The following ZUP1 variants were observed in gnomAD, a reference collection of about 807,000 sequenced individuals.
The protein encoded by ZUP1 is zinc finger-containing ubiquitin peptidase 1.
A neutral mutation model predicts 68.1 loss-of-function variants in ZUP1; 55 were observed. That is an observed-to-expected ratio of 0.81 (90% CI 0.65 to 1.01). The LOEUF (loss-of-function observed/expected upper bound fraction) is 1.01, where lower values mean the gene tolerates loss of function less well. ZUP1 is among the 50% of genes least tolerant of loss of function. ZUP1 has a pLI of 0.00. For synonymous variants in ZUP1, 223 were observed against 221.5 expected, an observed-to-expected ratio of 1.01 and a Z score of -0.06; for missense variants, 684 against 674.9, an observed-to-expected ratio of 1.01 and a Z score of -0.15.
intron 3 of ZUP1, chr6:116,660,145 A>C (rs1196918742): frequency 6.6e-6 from 1 of 152,268 alleles, no homozygotes; most frequent in East Asian, 1.9e-4. Context: ...AGTGAGCAGT[A>C]ACATTGTCCA....
At chr6:116,664,930 G>A (rs1776954647) in intron 2 of ZUP1, among the ~76,000 whole-genome samples, 2 of 151,332 alleles carry the variant, frequency 1.3e-5, no homozygotes, top group African/African-American at 2.4e-5. Context: ...TTTAAAAAGT[G>A]AAAATATAAA....
chr6:116,662,308 C>A (rs1181012722), intron 2 of ZUP1, among the ~76,000 whole-genome samples: 2 of 152,150 alleles, frequency 1.3e-5, no homozygotes, highest in African/African-American at 2.4e-5. Context: ...GCAAGCCAAT[C>A]CCTCCACCCC....
chr6:116,664,190 G>C (rs890201348), intron 2 of ZUP1, among the ~76,000 whole-genome samples: 5 of 152,254 alleles, frequency 3.3e-5, no homozygotes, highest in Non-Finnish European at 5.9e-5. Context: ...CAGCATTTTG[G>C]GGGGCTGAGG....
At chr6:116,651,846 C>T in intron 6 of ZUP1, 109 bp from the exon 7 acceptor site, 2 of 1,421,144 alleles carry the variant, frequency 1.4e-6, no homozygotes, top group Non-Finnish European at 1.9e-6. Flanking sequence ...GACAGTTATT[C>T]CTGACATCTT....
In ZUP1 at chr6:116,660,748, T is replaced by A; in HGVS notation, c.658A>T (p.Ser220Cys). ...CATATAAACATACCTTGCTGAAAGC[T>A]GTTTTCTTCCAAATGCAAGTCAACA... ...EHVDLHLEENSFQQGMDRVQC... is the reference protein window; with the variant it reads ...EHVDLHLEENCFQQGMDRVQC... The change falls in exon 3 of 10, where the codon AGC becomes TGC. Residue 220 changes from serine to cysteine, a missense_variant. Physicochemically the swap from Ser to Cys is moderately radical, Grantham distance 112. Transcript: ENST00000368576. The A allele has an allele frequency of 2.5e-6, 4 of 1,591,930 alleles. No homozygotes were observed. Among genetic ancestry groups the A allele is most frequent in the Non-Finnish European group, 3.4e-6 (4 of 1,164,362 alleles).
In ZUP1 at chr6:116,656,669, T is replaced by A; in HGVS notation, c.961+15A>T. On this transcript the variant is annotated intron_variant, in intron 5 of 9. Transcript: ENST00000368576. Reference sequence around the variant, plus strand: ...AGCAATATTAAAACAATGACTCTGATGTTTAAATACTCACCGGAAGTTTTT... The same window carrying A: ...AGCAATATTAAAACAATGACTCTGAAGTTTAAATACTCACCGGAAGTTTTT... The A allele has an allele frequency of 1.9e-6, 3 of 1,596,142 alleles. No individual in the cohort carries two copies. The South Asian group carries it at 3.4e-5, about 18-fold the overall frequency.
intron 7 of ZUP1, among the ~76,000 whole-genome samples, chr6:116,648,926 C>T (rs866571985): frequency 2.7e-5 from 4 of 150,582 alleles, no homozygotes; most frequent in East Asian, 1.9e-4. Context: ...GCCAAGATCG[C>T]GCCACTGCAC....
chr6:116,640,977 T>C (rs927702627), intron 9 of ZUP1, among the ~76,000 whole-genome samples: 1 of 146,742 alleles, frequency 6.8e-6, no homozygotes, highest in African/African-American at 2.6e-5. Context: ...AGGCTCAAAA[T>C]AAAAGGATGG....
At chr6:116,657,623 G>A (rs1345839598) in intron 4 of ZUP1, among the ~76,000 whole-genome samples, 2 of 152,104 alleles carry the variant, frequency 1.3e-5, no homozygotes, top group Non-Finnish European at 2.9e-5. Context: ...AAAAAGAGAG[G>A]TCAAACAAGT....
rs1776347508 is a variant in ZUP1, at chr6:116,647,481, A to G, written c.1446T>C (p.Pro482=). Residue 482 remains proline, a synonymous_variant, in exon 8 of 10, where the codon CCT becomes CCC. Transcript: ENST00000368576. ...GSPKVVCTSK[P]PIYLQHQGHS... is the part of the protein sequence containing the mutation. The stretch of plus-strand genomic sequence containing the variant: ...AACCTTGATGCTGAAGATAGATAGG[A>G]GGTTTAGATGTACACACTACCTTTG... 1 of 1,573,014 alleles carries G rather than the reference A, an allele frequency of 6.4e-7. No homozygotes were observed. The highest frequency in any genetic ancestry group is 8.7e-7 in the Non-Finnish European group (1 of 1,154,754).
chr6:116,641,253 C>T (rs1776087783), intron 9 of ZUP1, among the ~76,000 whole-genome samples: 1 of 151,848 alleles, frequency 6.6e-6, no homozygotes, highest in South Asian at 2.1e-4. Context: ...GACTTTAACA[C>T]CCCACTGTCA....
At position 116,651,688 on chromosome 6, in the gene ZUP1, T is replaced by A. The variant is rs1185196539; in HGVS notation, c.1200A>T (p.Ala400=). The A allele has an allele frequency of 6.2e-7, 1 of 1,613,890 alleles. No homozygotes were observed. The highest frequency in any genetic ancestry group is 1.7e-5 in the Admixed American group (1 of 60,026). Residue 400 remains alanine (A), a synonymous_variant, in exon 7 of 10, where the codon GCA becomes GCT. Coordinates refer to ENST00000368576, the MANE Select transcript of ZUP1 (RefSeq NM_145062.3). ...IPKIQSMIED[A]WKEGFDPQGA... ...CCTGAGGATCAAAACCTTCCTTCCA[T>A]GCATCTTCAATCATAGATTGAATTT...
At chr6:116,653,127 G>GT (rs2114256913) in intron 5 of ZUP1, among the ~76,000 whole-genome samples, 1 of 152,114 alleles carries the variant, frequency 6.6e-6, no homozygotes, top group Non-Finnish European at 1.5e-5. Flanking sequence ...AAAACAAGGT[G>GT]TTAGGACAAG....
chr6:116,642,895 T>C (rs1282767201), intron 9 of ZUP1, among the ~76,000 whole-genome samples: 2 of 152,182 alleles, frequency 1.3e-5, no homozygotes, highest in African/African-American at 2.4e-5. Flanking sequence ...GGAAGTCAAA[T>C]TGTCCCTGTT....
chr6:116,645,113 T>A (rs1776249147), intron 9 of ZUP1, among the ~76,000 whole-genome samples: 1 of 150,182 alleles, frequency 6.7e-6, no homozygotes, highest in East Asian at 1.9e-4. Context: ...CTGCACATAT[T>A]TAAAATGCAA....
chr6:116,636,808 C>G (rs6927348), intron 9 of ZUP1, among the ~76,000 whole-genome samples: 17,560 of 151,964 alleles, frequency 0.12, 1,703 homozygotes, highest in African/African-American at 0.25. Context: ...TTTAATCCTA[C>G]AATTTAAAAA....
chr6:116,652,151 T>C lies in ZUP1; in HGVS notation c.1003A>G (p.Thr335Ala), dbSNP rs1228154184. The change falls in exon 6 of 10, where the codon ACA (threonine) becomes GCA (alanine). Residue 335 changes from threonine (T) to alanine (A), a missense_variant. By Grantham distance (58) the Thr-to-Ala change is moderately conservative (BLOSUM62 0). Coordinates refer to ENST00000368576, the MANE Select transcript of ZUP1 (RefSeq NM_145062.3). ...GAAAGCCACACCCGTCTCACATCTGTGGCAGCATTCTGATAATACCTATGA... is the reference window on the plus strand; with the variant it reads ...GAAAGCCACACCCGTCTCACATCTGCGGCAGCATTCTGATAATACCTATGA... ...ALHRYYQNAA[T>A]DVRRVWLSSV... The C allele has an allele frequency of 6.2e-7, 1 of 1,613,874 alleles. No individual in the cohort carries two copies. Among genetic ancestry groups the C allele is most frequent in the African/African-American group, 1.3e-5 (1 of 74,936 alleles).
intron 2 of ZUP1, among the ~76,000 whole-genome samples, chr6:116,661,518 A>C (rs1300239517): frequency 1.3e-5 from 2 of 152,200 alleles, no homozygotes; most frequent in Admixed American, 6.5e-5. Context: ...ATCCAGCATA[A>C]AGCTGGGAAT....
At position 116,666,648 on chromosome 6, in the gene ZUP1, T is replaced by C; in HGVS notation, c.545A>G (p.Asp182Gly). The C allele has an allele frequency of 6.3e-7, 1 of 1,581,330 alleles. No homozygotes were observed. Among genetic ancestry groups the C allele is most frequent in the South Asian group, 1.2e-5 (1 of 85,296 alleles). The part of the protein sequence containing the change: ...HVKTKHANLL[D>G]IPLEDCDQPL... ...GAAAACTTTACCTTCCAATGGAATG[T>C]CTAAAAGATTGGCATGCTTTGTTTT... The change falls in exon 2 of 10, where the codon GAC becomes GGC. Residue 182 changes from aspartate to glycine, a missense_variant. Physicochemically the swap from Asp to Gly is moderately conservative, Grantham distance 94. Coordinates refer to ENST00000368576, the MANE Select transcript of ZUP1 (RefSeq NM_145062.3).
Sources: allele counts gnomAD v4.1 joint callset (sites outside exome capture counted in the v4.1 genomes callset), GRCh38; gene constraint gnomAD v4.1.1; transcripts MANE v1.5; gene names NCBI Gene and HGNC (gene_info 2026-07-23, HGNC 2026-07-21).